The following NEBL variants were observed in gnomAD, a reference collection of about 807,000 sequenced individuals.
NEBL encodes the protein LIM and SH3 protein 2.
Under a neutral mutation model 140.2 loss-of-function variants are expected in NEBL, and 122 were observed. That is an observed-to-expected ratio of 0.87 (90% confidence interval 0.75 to 1.01). NEBL has a LOEUF of 1.01. Ranked by LOEUF, NEBL falls within the 50% of genes least tolerant of loss-of-function variation. The pLI is 0.00. For synonymous variants in NEBL, 436 were observed against 398.9 expected, an observed-to-expected ratio of 1.09 and a Z score of -1.11; for missense variants, 1,365 against 1,231.3, an observed-to-expected ratio of 1.11 and a Z score of -1.62.
chr10:21,286,277 C>T (rs568516286), intron 1 of NEBL, among the ~76,000 whole-genome samples: 38 of 152,266 alleles, frequency 2.5e-4, no homozygotes, highest in Non-Finnish European at 3.1e-4. Context: ...TTTCAGGAAT[C>T]TTTTTATCTT....
chr10:21,029,585 A>T, intron 2 of NEBL: 1 of 1,591,230 alleles, frequency 6.3e-7, no homozygotes, highest in Non-Finnish European at 8.6e-7. Flanking sequence ...GACAAAACAG[A>T]TACAGACTGG....
chr10:20,881,228 T>A (rs1448896851), intron 4 of NEBL, among the ~76,000 whole-genome samples: 1 of 152,194 alleles, frequency 6.6e-6, no homozygotes, highest in Non-Finnish European at 1.5e-5. Flanking sequence ...ATGTCAGAGA[T>A]TTAAATCTTG....
At chr10:20,797,288 T>C (rs1836646138) in intron 26 of NEBL, among the ~76,000 whole-genome samples, 1 of 152,230 alleles carries the variant, frequency 6.6e-6, no homozygotes, top group Non-Finnish European at 1.5e-5. Flanking sequence ...ATGTATTGGA[T>C]CAATGCATGT....
At chr10:21,138,972 T>C (rs1214762229) in intron 2 of NEBL, among the ~76,000 whole-genome samples, 1 of 152,206 alleles carries the variant, frequency 6.6e-6, no homozygotes, top group Admixed American at 6.6e-5. Context: ...CCACTATCCA[T>C]GACTTCATGA....
chr10:21,259,624 A>AG (rs1163926926), intron 1 of NEBL, among the ~76,000 whole-genome samples: 1 of 152,204 alleles, frequency 6.6e-6, no homozygotes, highest in East Asian at 1.9e-4. Context: ...CTTTCCTTTG[A>AG]GGGAACACCA....
intron 3 of NEBL, among the ~76,000 whole-genome samples, chr10:21,194,621 G>A (rs1381760444): frequency 2.0e-5 from 3 of 152,148 alleles, no homozygotes; most frequent in Admixed American, 6.5e-5. Context: ...ATATGGGCCA[G>A]CAGCTGTCCT....
chr10:21,009,266 T>C (rs1231390223), intron 3 of NEBL, among the ~76,000 whole-genome samples: 1 of 152,192 alleles, frequency 6.6e-6, no homozygotes, highest in African/African-American at 2.4e-5. Context: ...TATAAGTAAA[T>C]CGCTTGGAAT....
At chr10:20,944,269 G>A (rs547412395) in intron 4 of NEBL, among the ~76,000 whole-genome samples, 70 of 152,068 alleles carry the variant, frequency 4.6e-4, no homozygotes, top group African/African-American at 1.4e-3. Flanking sequence ...GCCTGGTGAC[G>A]GGTGCCTGTA....
At chr10:20,939,749 G>T (rs1379346963) in intron 4 of NEBL, among the ~76,000 whole-genome samples, 2 of 152,090 alleles carry the variant, frequency 1.3e-5, no homozygotes, top group Non-Finnish European at 2.9e-5. Context: ...GATCTACCAA[G>T]CAAATGGAAA....
chr10:20,861,855 T>C (rs1843729648), intron 7 of NEBL, among the ~76,000 whole-genome samples: 1 of 152,116 alleles, frequency 6.6e-6, no homozygotes, highest in African/African-American at 2.4e-5. Context: ...TATGATGGGG[T>C]TGCATCTCAG....
intron 3 of NEBL, among the ~76,000 whole-genome samples, chr10:20,974,162 C>G (rs1253924992): frequency 6.6e-6 from 1 of 152,176 alleles, no homozygotes; most frequent in Non-Finnish European, 1.5e-5. Context: ...TCTGCTGTCC[C>G]CAAAGTCTTT....
At chr10:21,258,369 G>A (rs998231235) in intron 1 of NEBL, among the ~76,000 whole-genome samples, 13 of 152,198 alleles carry the variant, frequency 8.5e-5, no homozygotes, top group African/African-American at 2.7e-4. Context: ...AGGAGTTCAA[G>A]ACCAGCCTGG....
At chr10:20,918,110 G>C (rs914742406) in intron 4 of NEBL, among the ~76,000 whole-genome samples, 1 of 152,156 alleles carries the variant, frequency 6.6e-6, no homozygotes, top group African/African-American at 2.4e-5. Flanking sequence ...TGTAATCCCA[G>C]CACTTTGGGA....
intron 3 of NEBL, among the ~76,000 whole-genome samples, chr10:21,243,535 G>A (rs1842471586): frequency 6.6e-6 from 1 of 151,940 alleles, no homozygotes. Context: ...TCATACTCCT[G>A]GCCTCAAGTG....
chr10:21,221,560 A>G (rs1329531489), intron 3 of NEBL, among the ~76,000 whole-genome samples: 2 of 151,622 alleles, frequency 1.3e-5, no homozygotes, highest in Non-Finnish European at 2.9e-5. Context: ...GCTGGAGTGC[A>G]CTGGCCCGAT....
chr10:20,850,382 C>T lies in NEBL; in HGVS notation c.1116+13G>A. ...TTTACATTAAACAATTAGTAACAAA[C>T]TAATTGACCTACTTCACTTTGCATC... is the stretch of plus-strand genomic sequence containing the variant. On this transcript the variant is annotated intron_variant, in intron 11 of 27. Coordinates refer to ENST00000377122, the MANE Select transcript of NEBL (RefSeq NM_006393.3). 1.9e-6 allele frequency: 3 copies of T among 1,540,746 alleles called. No individual in the cohort carries two copies. The highest frequency in any genetic ancestry group is 2.7e-6 in the Non-Finnish European group (3 of 1,113,366).
intron 2 of NEBL, among the ~76,000 whole-genome samples, chr10:21,046,616 T>C (rs1834523993): frequency 6.6e-6 from 1 of 152,206 alleles, no homozygotes; most frequent in Admixed American, 6.5e-5. Context: ...TTGTTTTGTT[T>C]TTGAGACGGA....
At chr10:21,004,401 G>T (rs763067973) in intron 3 of NEBL, among the ~76,000 whole-genome samples, 7 of 152,276 alleles carry the variant, frequency 4.6e-5, no homozygotes, top group Non-Finnish European at 8.8e-5. Flanking sequence ...TATGGAACTG[G>T]TTCTCAAATA....
intron 18 of NEBL, among the ~76,000 whole-genome samples, chr10:20,826,203 T>A (rs184870023): frequency 2.0e-5 from 3 of 152,308 alleles, no homozygotes; most frequent in Admixed American, 2.0e-4. Context: ...ACCCTAGGTT[T>A]CATTAAAATG....
Sources: gnomAD v4.1 joint callset for allele counts (sites outside exome capture counted in the v4.1 genomes callset) on GRCh38, gnomAD v4.1.1 for gene constraint, MANE v1.5 for transcripts, NCBI Gene and HGNC (gene_info 2026-07-23, HGNC 2026-07-21) for gene names.